Variants in RTL4 observed in about 807,000 individuals in gnomAD.
The protein encoded by RTL4 is retrotransposon Gag-like protein 4.
In RTL4, 4 loss-of-function variants were observed where a neutral mutation model predicts 5.3. The observed-to-expected ratio is 0.75, with a 90% CI of 0.37 to 1.72. RTL4 has a LOEUF of 1.72. RTL4 is among the 40% of genes most tolerant of loss of function. The pLI is 0.04. For synonymous variants in RTL4, 98 were observed against 87.3 expected (o/e 1.12, Z -0.68); for missense variants, 260 against 227.1 (o/e 1.14, Z -0.93).
chrX:112,456,308 C>G (rs1926843615), exon 1 of RTL4: 5 of 307,036 alleles, frequency 1.6e-5, no homozygotes, highest in Non-Finnish European at 2.9e-5. Flanking sequence ...TCCCAACAAA[C>G]AGAACCTCCT....
chrX:112,188,437 T>C, the RTL4 span, among the ~76,000 whole-genome samples: 4 of 111,921 alleles, frequency 3.6e-5, no homozygotes, highest in Non-Finnish European at 7.5e-5. Context: ...GCCAAAGTAA[T>C]GGGTCTGATA....
chrX:112,329,440 T>C, the RTL4 span, among the ~76,000 whole-genome samples: 86 of 110,491 alleles, frequency 7.8e-4, no homozygotes, highest in Admixed American at 3.3e-3. Context: ...ACACATACAC[T>C]CTCCCAAGAC....
rs760239214 is a variant in RTL4, at chrX:112,455,477, C to A, written c.749C>A (p.Pro250Gln). The A allele has an allele frequency of 2.5e-6, 3 of 1,211,391 alleles. No individual in the cohort carries two copies. In the Admixed American group the frequency reaches 6.5e-5, roughly 26 times the overall value. The change falls in exon 1 of 1, where the codon CCA becomes CAA. Residue 250 changes from proline to glutamine, a missense_variant. Coordinates refer to ENST00000340433, the Ensembl canonical transcript of RTL4. ...CAAGCCCTCTTTAGCCCCACAGATC[C>A]ACCACCCAAGAAAGGGCCTATACAG...
chrX:112,303,178 A>G, the RTL4 span, among the ~76,000 whole-genome samples: 1 of 111,985 alleles, frequency 8.9e-6, no homozygotes. Context: ...TGTTTATATT[A>G]CAATGTATGT....
chrX:112,241,909 C>T, the RTL4 span, among the ~76,000 whole-genome samples: 1 of 112,300 alleles, frequency 8.9e-6, no homozygotes, highest in East Asian at 2.8e-4. Flanking sequence ...CAGCTTTCTA[C>T]ATATGGCTAG....
the RTL4 span, among the ~76,000 whole-genome samples, chrX:112,211,610 G>A: frequency 8.9e-6 from 1 of 112,125 alleles, no homozygotes. Flanking sequence ...GACTAAACCA[G>A]GGTGTTGGCG....
chrX:112,382,960 T>A, the RTL4 span, among the ~76,000 whole-genome samples: 3 of 111,989 alleles, frequency 2.7e-5, no homozygotes, highest in Admixed American at 9.5e-5. Flanking sequence ...CCTCCGCTCA[T>A]TTCAGGAAAA....
chrX:112,091,252 C>T, the RTL4 span, among the ~76,000 whole-genome samples: 3 of 111,020 alleles, frequency 2.7e-5, no homozygotes, highest in African/African-American at 9.8e-5. Flanking sequence ...TTTTATTTAT[C>T]TCTTGTCTCA....
At chrX:112,088,045 CT>C in the RTL4 span, among the ~76,000 whole-genome samples, 1 of 106,637 alleles carries the variant, frequency 9.4e-6, no homozygotes, top group African/African-American at 3.4e-5. Flanking sequence ...AGAACAGGGC[CT>C]CGCTATATTG....
chrX:112,322,182 A>ATTT, the RTL4 span, among the ~76,000 whole-genome samples: 2 of 111,610 alleles, frequency 1.8e-5, no homozygotes. Flanking sequence ...AGTGACTAAA[A>ATTT]GAGTCTTGCA....
At chrX:112,372,353 CAGTT>C in the RTL4 span, among the ~76,000 whole-genome samples, 1 of 111,670 alleles carries the variant, frequency 9.0e-6, no homozygotes, top group Non-Finnish European at 1.9e-5. Context: ...GGCTATAACA[CAGTT>C]AATTAATCAC....
chrX:112,395,487 G>A, the RTL4 span, among the ~76,000 whole-genome samples: 2 of 110,209 alleles, frequency 1.8e-5, no homozygotes, highest in African/African-American at 6.6e-5. Context: ...AACAAAAATA[G>A]AAATTATTTA....
At chrX:112,380,865 G>C in the RTL4 span, among the ~76,000 whole-genome samples, 1 of 111,930 alleles carries the variant, frequency 8.9e-6, no homozygotes, top group African/African-American at 3.3e-5. Flanking sequence ...GCCTGGGAGG[G>C]CTTTTGTCCC....
chrX:112,129,929 A>G, the RTL4 span, among the ~76,000 whole-genome samples: 1 of 112,268 alleles, frequency 8.9e-6, no homozygotes, highest in African/African-American at 3.2e-5. Flanking sequence ...CTTGGGGATT[A>G]TTCTGACAAC....
At chrX:112,175,268 G>T in the RTL4 span, among the ~76,000 whole-genome samples, 1 of 91,254 alleles carries the variant, frequency 1.1e-5, no homozygotes, top group Non-Finnish European at 2.2e-5. Flanking sequence ...AAGGTGTAAG[G>T]AAGGGATCCA....
At chrX:112,102,503 A>C in the RTL4 span, among the ~76,000 whole-genome samples, 2 of 111,923 alleles carry the variant, frequency 1.8e-5, no homozygotes, top group Non-Finnish European at 3.8e-5. Context: ...ATAACACCTC[A>C]TAAAATTCCA....
At chrX:112,120,347 G>A in the RTL4 span, among the ~76,000 whole-genome samples, 1 of 112,109 alleles carries the variant, frequency 8.9e-6, no homozygotes. Context: ...CGCTATCTCA[G>A]CTCACTGCAA....
the RTL4 span, among the ~76,000 whole-genome samples, chrX:112,194,963 C>G: frequency 8.9e-6 from 1 of 111,912 alleles, no homozygotes; most frequent in Non-Finnish European, 1.9e-5. Flanking sequence ...GAAGATAAAG[C>G]ATGCCAAACA....
the RTL4 span, among the ~76,000 whole-genome samples, chrX:112,164,318 A>G: frequency 1.8e-5 from 2 of 111,966 alleles, no homozygotes; most frequent in African/African-American, 6.5e-5. Flanking sequence ...AGTGTTTCCT[A>G]AAAATGGTAG....
Sources: gnomAD v4.1 joint callset for allele counts (sites outside exome capture counted in the v4.1 genomes callset) on GRCh38, gnomAD v4.1.1 for gene constraint, MANE v1.5 for transcripts, NCBI Gene and HGNC (gene_info 2026-07-23, HGNC 2026-07-21) for gene names.